Variants in GRIK4 observed in about 807,000 individuals in gnomAD.
GRIK4 encodes the protein glutamate receptor ionotropic, kainate 4.
A neutral mutation model predicts 104.9 loss-of-function variants in GRIK4; 40 were observed. The ratio of observed to expected loss-of-function variants is 0.38; its 90% confidence interval spans 0.30 to 0.50. The LOEUF is 0.50. GRIK4 is among the 20% of genes least tolerant of loss of function. GRIK4 has a pLI of 0.93. For synonymous variants in GRIK4, 485 were observed against 524.9 expected (o/e 0.92, Z 1.04); for missense variants, 1,047 against 1,308.1 (o/e 0.80, Z 3.08).
intron 1 of GRIK4, among the ~76,000 whole-genome samples, chr11:120,609,601 G>A (rs143214331): frequency 0.026 from 3,123 of 118,796 alleles, 330 homozygotes; most frequent in East Asian, 0.22. Context: ...TGCAACCTCC[G>A]CCTCCCAGGT....
chr11:120,848,098 C>G (rs553164247), intron 8 of GRIK4, among the ~76,000 whole-genome samples: 260 of 152,326 alleles, frequency 1.7e-3, no homozygotes, highest in African/African-American at 5.9e-3. Context: ...CCTTCTCACC[C>G]TGAGATCCAA....
chr11:120,851,233 C>T (rs1265686804), intron 8 of GRIK4, among the ~76,000 whole-genome samples: 2 of 152,162 alleles, frequency 1.3e-5, no homozygotes, highest in Admixed American at 6.5e-5. Flanking sequence ...ACCTCCTATT[C>T]CCTATCACCC....
At chr11:120,749,923 T>G (rs1286130626) in intron 3 of GRIK4, among the ~76,000 whole-genome samples, 1 of 152,228 alleles carries the variant, frequency 6.6e-6, no homozygotes, top group Non-Finnish European at 1.5e-5. Flanking sequence ...TAGGGTTGTT[T>G]TCTATGTATG....
intron 13 of GRIK4, among the ~76,000 whole-genome samples, chr11:120,928,822 T>C (rs1044548670): frequency 1.3e-5 from 2 of 152,206 alleles, no homozygotes; most frequent in Non-Finnish European, 2.9e-5. Context: ...CACTTGGACC[T>C]GCGGATGACA....
intron 6 of GRIK4, among the ~76,000 whole-genome samples, chr11:120,829,896 G>A (rs957722130): frequency 6.6e-6 from 1 of 152,204 alleles, no homozygotes; most frequent in Non-Finnish European, 1.5e-5. Context: ...GAGGGCCTGT[G>A]AGGGGCACAG....
At chr11:120,647,929 T>C (rs998485912) in intron 1 of GRIK4, among the ~76,000 whole-genome samples, 1 of 152,196 alleles carries the variant, frequency 6.6e-6, no homozygotes, top group Non-Finnish European at 1.5e-5. Flanking sequence ...GTCCCAAGCA[T>C]GTGGGTATGC....
intron 3 of GRIK4, among the ~76,000 whole-genome samples, chr11:120,766,251 G>A (rs1361162439): frequency 6.6e-6 from 1 of 152,200 alleles, no homozygotes. Flanking sequence ...TGTTTACACT[G>A]TAAGGGGAAA....
At chr11:120,937,871 A>C (rs1457050271) in intron 13 of GRIK4, among the ~76,000 whole-genome samples, 1 of 152,228 alleles carries the variant, frequency 6.6e-6, no homozygotes, top group Non-Finnish European at 1.5e-5. Context: ...ATGATTTCCA[A>C]ATTTTAATCC....
chr11:120,703,613 T>C (rs144726706), intron 3 of GRIK4, among the ~76,000 whole-genome samples: 2 of 152,138 alleles, frequency 1.3e-5, no homozygotes, highest in East Asian at 1.9e-4. Flanking sequence ...GTACCACTTA[T>C]AAATCCTACC....
chr11:120,634,844 C>T (rs768883291), intron 1 of GRIK4, among the ~76,000 whole-genome samples: 92 of 152,254 alleles, frequency 6.0e-4, no homozygotes, highest in African/African-American at 1.0e-3. Flanking sequence ...CTCACGGAGT[C>T]GCCAAGCATG....
At chr11:120,540,277 CAG>C (rs1229528755) in intron 1 of GRIK4, among the ~76,000 whole-genome samples, 5 of 152,172 alleles carry the variant, frequency 3.3e-5, no homozygotes, top group Admixed American at 3.3e-4. Context: ...GGCAAAGGGA[CAG>C]GGGCATATTA....
chr11:120,763,742 A>C (rs1273956815), intron 3 of GRIK4, among the ~76,000 whole-genome samples: 1 of 152,152 alleles, frequency 6.6e-6, no homozygotes, highest in Non-Finnish European at 1.5e-5. Context: ...GTTTCCATGT[A>C]GTTGTGCAGT....
intron 15 of GRIK4, among the ~76,000 whole-genome samples, chr11:120,955,379 G>A (rs1166512499): frequency 6.6e-6 from 1 of 152,256 alleles, no homozygotes; most frequent in Non-Finnish European, 1.5e-5. Context: ...ACGGGAGGCA[G>A]CGACAGTGGG....
At chr11:120,675,566 A>G (rs1426112147) in intron 3 of GRIK4, among the ~76,000 whole-genome samples, 1 of 152,152 alleles carries the variant, frequency 6.6e-6, no homozygotes, top group African/African-American at 2.4e-5. Context: ...ATTAGTTTCT[A>G]TTTTTTTATT....
intron 3 of GRIK4, among the ~76,000 whole-genome samples, chr11:120,666,510 A>G (rs1386132945): frequency 6.6e-6 from 1 of 152,208 alleles, no homozygotes; most frequent in African/African-American, 2.4e-5. Context: ...AGCGTTAGTA[A>G]GTGTTGCTTC....
chr11:120,929,682 C>A (rs935983725), intron 13 of GRIK4, among the ~76,000 whole-genome samples: 1 of 152,160 alleles, frequency 6.6e-6, no homozygotes, highest in Non-Finnish European at 1.5e-5. Flanking sequence ...GTAATTAACA[C>A]CCCTCCGCTG....
At chr11:120,949,289 TC>T (rs1943942397) in intron 14 of GRIK4, among the ~76,000 whole-genome samples, 1 of 152,194 alleles carries the variant, frequency 6.6e-6, no homozygotes, top group African/African-American at 2.4e-5. Context: ...GCCCTTTGTA[TC>T]TCTCCCTCCG....
chr11:120,829,572 T>C lies in GRIK4; in HGVS notation c.512-2280T>C, dbSNP rs192469757. On this transcript the variant is annotated intron_variant, in intron 6 of 20. Coordinates refer to ENST00000527524, the MANE Select transcript of GRIK4 (RefSeq NM_014619.5). ...TGCCAGAGACTGTTGGTTGAACAGA[T>C]GTGTCCTTGCCTGACTCTTCATCTG... Among the ~76,000 whole-genome samples, 213 of 152,286 alleles carry C rather than the reference T, an allele frequency of 1.4e-3. 1 individual carries two copies. The highest frequency in any genetic ancestry group is 0.013 in the Admixed American group (192 of 15,302).
intron 1 of GRIK4, among the ~76,000 whole-genome samples, chr11:120,548,858 G>C (rs1948112030): frequency 6.6e-6 from 1 of 152,196 alleles, no homozygotes; most frequent in African/African-American, 2.4e-5. Context: ...CTGCAGGGTA[G>C]AGAGGGCTGT....
Sources: gnomAD v4.1 joint callset for allele counts (sites outside exome capture counted in the v4.1 genomes callset) on GRCh38, gnomAD v4.1.1 for gene constraint, MANE v1.5 for transcripts, NCBI Gene and HGNC (gene_info 2026-07-23, HGNC 2026-07-21) for gene names.